GRM8: variants seen among roughly 807,000 people sequenced by gnomAD.
The protein encoded by GRM8 is metabotropic glutamate receptor 8.
In GRM8, 47 loss-of-function variants were observed where a neutral mutation model predicts 87.2. That is an observed-to-expected ratio of 0.54 (90% CI 0.43 to 0.69). GRM8 has a LOEUF of 0.69. Ranked by LOEUF, GRM8 falls within the 30% of genes least tolerant of loss-of-function variation. The pLI, the probability that GRM8 is intolerant of heterozygous loss-of-function variation, is 0.00. For missense variants in GRM8, 1,019 were observed against 1,139.2 expected (o/e 0.89, Z 1.52); for synonymous variants, 396 against 404.5 (o/e 0.98, Z 0.25).
chr7:126,879,394 T>C (rs1436939753), intron 6 of GRM8, among the ~76,000 whole-genome samples: 2 of 152,214 alleles, frequency 1.3e-5, no homozygotes, highest in African/African-American at 4.8e-5. Context: ...TAGCTATGAA[T>C]ATGCATGATT....
intron 7 of GRM8, among the ~76,000 whole-genome samples, chr7:126,680,354 CAAG>C (rs1214421669): frequency 3.3e-5 from 5 of 152,160 alleles, no homozygotes; most frequent in Admixed American, 1.3e-4. Flanking sequence ...TTTCTTTGAT[CAAG>C]AAGAATTATT....
At chr7:126,809,252 T>G (rs1167019538) in intron 6 of GRM8, among the ~76,000 whole-genome samples, 1 of 152,174 alleles carries the variant, frequency 6.6e-6, no homozygotes, top group Non-Finnish European at 1.5e-5. Context: ...ATTAGCAATC[T>G]TAATTCCATC....
At chr7:126,729,062 G>A (rs1395211022) in intron 7 of GRM8, among the ~76,000 whole-genome samples, 1 of 152,104 alleles carries the variant, frequency 6.6e-6, no homozygotes, top group Non-Finnish European at 1.5e-5. Context: ...AGGCTTCACA[G>A]CCCTTGAGTG....
At chr7:127,096,235 C>T (rs1282929048) in intron 3 of GRM8, among the ~76,000 whole-genome samples, 1 of 152,160 alleles carries the variant, frequency 6.6e-6, no homozygotes, top group Non-Finnish European at 1.5e-5. Flanking sequence ...CACTCATAGG[C>T]TACCTGCTGG....
chr7:127,081,486 A>G (rs1822858785), intron 3 of GRM8, among the ~76,000 whole-genome samples: 1 of 152,074 alleles, frequency 6.6e-6, no homozygotes, highest in Non-Finnish European at 1.5e-5. Flanking sequence ...TTTGCCCTGT[A>G]TTTTTCAAAT....
At chr7:126,453,491 A>G (rs1344143862) in intron 9 of GRM8, among the ~76,000 whole-genome samples, 1 of 151,506 alleles carries the variant, frequency 6.6e-6, no homozygotes, top group Non-Finnish European at 1.5e-5. Flanking sequence ...GTCTTTCTGA[A>G]CCCTTAACCT....
Position 126,610,685 on chromosome 7 carries a change from C to T in GRM8, c.1358-1187G>A, listed in dbSNP as rs144768840. On this transcript the variant is annotated intron_variant, in intron 7 of 10. Transcript: ENST00000339582. ...AAAATATTTAACTTATCAAACAAAT[C>T]GATGACTTTATCAAAAAAACACAGT... 1.9e-4 allele frequency among the ~76,000 whole-genome samples: 29 copies of T among 152,242 alleles called. No homozygotes were observed. The East Asian group carries it at 4.0e-3, about 21-fold the overall frequency.
intron 7 of GRM8, among the ~76,000 whole-genome samples, chr7:126,749,434 C>A (rs1346410247): frequency 1.3e-5 from 2 of 151,700 alleles, no homozygotes; most frequent in South Asian, 4.2e-4. Context: ...AAGTAAGATT[C>A]ATTTTTAGAA....
chr7:126,683,057 C>A (rs180819696), intron 7 of GRM8, among the ~76,000 whole-genome samples: 3 of 151,778 alleles, frequency 2.0e-5, no homozygotes, highest in Admixed American at 2.0e-4. Flanking sequence ...TCAAAAAAAA[C>A]AAAACAAAAC....
intron 7 of GRM8, among the ~76,000 whole-genome samples, chr7:126,735,924 G>C (rs940836347): frequency 6.6e-6 from 1 of 152,030 alleles, no homozygotes; most frequent in Non-Finnish European, 1.5e-5. Flanking sequence ...TCTTTCCCTG[G>C]ATGAGAATGA....
intron 6 of GRM8, among the ~76,000 whole-genome samples, chr7:126,846,441 C>T (rs964205225): frequency 6.6e-6 from 1 of 152,196 alleles, no homozygotes; most frequent in Admixed American, 6.5e-5. Flanking sequence ...AGAACGTTGT[C>T]TAAGCAACAT....
chr7:127,175,145 A>G (rs997838469), intron 2 of GRM8, among the ~76,000 whole-genome samples: 2 of 152,214 alleles, frequency 1.3e-5, no homozygotes, highest in Admixed American at 1.3e-4. Context: ...ACAGCATGCA[A>G]GAACAGATGA....
chr7:127,182,044 A>T (rs1022230028), intron 2 of GRM8, among the ~76,000 whole-genome samples: 5 of 152,210 alleles, frequency 3.3e-5, no homozygotes, highest in African/African-American at 1.2e-4. Flanking sequence ...AACTGTCAGC[A>T]GAGTAAACAG....
In GRM8 at chr7:126,533,600, T is replaced by A. The variant is rs1815205281; in HGVS notation, c.1782A>T (p.Gly594=). Residue 594 remains glycine, a synonymous_variant, in exon 9 of 11, where the codon GGA becomes GGT. Transcript: ENST00000339582. The part of the protein sequence containing the change: ...AVVPVFVAIL[G]IIATTFVIVT... The stretch of plus-strand genomic sequence containing the variant: ...CGATCACAAAGGTGGTGGCGATGAT[T>A]CCCAATATTGCAACAAACACAGGCA... 6.2e-7 allele frequency: 1 copy of A among 1,613,922 alleles called. No individual in the cohort carries two copies. The highest frequency in any genetic ancestry group is 1.3e-5 in the African/African-American group (1 of 74,890).
chr7:127,202,651 C>T (rs1162606970), intron 2 of GRM8, among the ~76,000 whole-genome samples: 1 of 152,072 alleles, frequency 6.6e-6, no homozygotes, highest in Non-Finnish European at 1.5e-5. Context: ...CTGGTAAAGG[C>T]TCTGAGACTG....
intron 3 of GRM8, among the ~76,000 whole-genome samples, chr7:127,033,371 T>C (rs980586526): frequency 3.9e-5 from 6 of 152,182 alleles, no homozygotes; most frequent in African/African-American, 1.2e-4. Context: ...ATAATCTCTA[T>C]GGCCCCTATG....
intron 3 of GRM8, among the ~76,000 whole-genome samples, chr7:127,002,338 A>C (rs1039656574): frequency 2.6e-5 from 4 of 151,666 alleles, no homozygotes; most frequent in African/African-American, 4.8e-5. Context: ...TGTGGGTATA[A>C]ATCAAGTTTA....
chr7:126,527,072 T>C (rs1473990126), intron 9 of GRM8, among the ~76,000 whole-genome samples: 2 of 152,268 alleles, frequency 1.3e-5, no homozygotes, highest in South Asian at 4.1e-4. Flanking sequence ...AAATGTTATA[T>C]AGTTGGCTGG....
intron 9 of GRM8, among the ~76,000 whole-genome samples, chr7:126,507,996 T>C (rs911854503): frequency 2.0e-5 from 3 of 151,968 alleles, no homozygotes; most frequent in Non-Finnish European, 2.9e-5. Flanking sequence ...TTACTCAAAG[T>C]AATGAGTAAG....
Sources: gnomAD v4.1 joint callset for allele counts (sites outside exome capture counted in the v4.1 genomes callset) on GRCh38, gnomAD v4.1.1 for gene constraint, MANE v1.5 for transcripts, NCBI Gene and HGNC (gene_info 2026-07-23, HGNC 2026-07-21) for gene names.